UST: variants seen among roughly 807,000 people sequenced by gnomAD.
UST encodes the protein chondroitin sulfate 2-O-sulfotransferase.
Under a neutral mutation model 45.6 loss-of-function variants are expected in UST, and 21 were observed. The ratio of observed to expected loss-of-function variants is 0.46; its 90% CI spans 0.33 to 0.66. The LOEUF (loss-of-function observed/expected upper bound fraction) is 0.66. Among genes scored for constraint, UST ranks in the 30% least tolerant of loss-of-function variants. The pLI is 0.02. For synonymous variants in UST, 215 were observed against 200.6 expected (o/e 1.07, Z -0.61); for missense variants, 463 against 512.4 (o/e 0.90, Z 0.93).
chr6:149,024,780 G>A (rs1776026240), intron 7 of UST, among the ~76,000 whole-genome samples: 1 of 152,092 alleles, frequency 6.6e-6, no homozygotes, highest in Admixed American at 6.6e-5. Flanking sequence ...TGATAACTGA[G>A]TAGATTAGAG....
At chr6:148,823,378 C>A (rs555767650) in intron 1 of UST, among the ~76,000 whole-genome samples, 14 of 152,288 alleles carry the variant, frequency 9.2e-5, no homozygotes, top group African/African-American at 3.4e-4. Flanking sequence ...CTAAGAATGC[C>A]TTTTATATCT....
At chr6:149,044,561 G>A (rs1436720053) in intron 7 of UST, among the ~76,000 whole-genome samples, 1 of 152,168 alleles carries the variant, frequency 6.6e-6, no homozygotes, top group African/African-American at 2.4e-5. Context: ...CGGTCGGTGG[G>A]AATGTTATTC....
At chr6:148,804,342 C>T (rs1258033979) in intron 1 of UST, among the ~76,000 whole-genome samples, 1 of 152,152 alleles carries the variant, frequency 6.6e-6, no homozygotes, top group Non-Finnish European at 1.5e-5. Flanking sequence ...TGTTCCCCTC[C>T]CCCACTCAGC....
intron 7 of UST, among the ~76,000 whole-genome samples, chr6:149,038,659 C>G (rs1776269157): frequency 1.3e-5 from 2 of 152,156 alleles, no homozygotes; most frequent in East Asian, 1.9e-4. Flanking sequence ...CCTCTTCCTC[C>G]CCATTTCCAG....
At chr6:148,747,839 G>T (rs574373870) in intron 1 of UST, among the ~76,000 whole-genome samples, 162 bp downstream of exon 1, 15 of 152,214 alleles carry the variant, frequency 9.9e-5, no homozygotes, top group Admixed American at 7.2e-4. Context: ...GGTCGGGAGC[G>T]CCTTCTTCCT....
chr6:148,919,486 C>T (rs915731014), intron 2 of UST, among the ~76,000 whole-genome samples: 6 of 152,208 alleles, frequency 3.9e-5, no homozygotes, highest in African/African-American at 9.6e-5. Flanking sequence ...TGACTATCAA[C>T]ACCTGCTTCT....
At chr6:148,929,032 G>A (rs139042748) in intron 2 of UST, among the ~76,000 whole-genome samples, 123 of 152,352 alleles carry the variant, frequency 8.1e-4, no homozygotes, top group African/African-American at 2.8e-3. Flanking sequence ...CTTCGCACAT[G>A]TTGAGAATGT....
At chr6:148,915,381 C>T (rs1378614358) in intron 2 of UST, among the ~76,000 whole-genome samples, 1 of 152,100 alleles carries the variant, frequency 6.6e-6, no homozygotes, top group Admixed American at 6.5e-5. Flanking sequence ...AAAATGGCCC[C>T]TGGAGCTCTA....
intron 1 of UST, among the ~76,000 whole-genome samples, chr6:148,762,068 C>T (rs1776233784): frequency 6.6e-6 from 1 of 152,156 alleles, no homozygotes; most frequent in South Asian, 2.1e-4. Flanking sequence ...AAAGGCTGTT[C>T]TTGTTTGCTT....
At chr6:148,832,982 C>T (rs190512514) in intron 1 of UST, among the ~76,000 whole-genome samples, 5 of 152,236 alleles carry the variant, frequency 3.3e-5, no homozygotes, top group East Asian at 1.9e-4. Context: ...CATCTCAAAT[C>T]GTTAATAACA....
rs1274098739 is a variant in UST at position 148,748,941 on chromosome 6, AAAAC to A, written c.247+1276_247+1279del. Among the ~76,000 whole-genome samples, 4 of 151,908 alleles carry A rather than the reference AAAAC, an allele frequency of 2.6e-5. No homozygotes were observed. The highest frequency in any genetic ancestry group is 2.1e-4 in the South Asian group (1 of 4,818). On this transcript the variant is annotated intron_variant, in intron 1 of 7. Transcript: ENST00000367463. The surrounding 1 kb of genome is among the most constrained non-coding windows in gnomAD (Gnocchi z 5.3). ...AAAGAAAAGGAAAAAAAAAAAACCC[AAAAC>A]AAACAAACAAAACAAAGCAAAACAA...
At chr6:148,942,437 A>G (rs1780145672) in intron 3 of UST, among the ~76,000 whole-genome samples, 2 of 152,158 alleles carry the variant, frequency 1.3e-5, no homozygotes, top group Non-Finnish European at 2.9e-5. Flanking sequence ...ACGTGCCTGT[A>G]GTCCCAGCTA....
intron 2 of UST, among the ~76,000 whole-genome samples, chr6:148,905,464 C>A (rs530920757): frequency 2.0e-5 from 3 of 152,220 alleles, no homozygotes; most frequent in Middle Eastern, 3.2e-3. Flanking sequence ...CCCCTAAAAC[C>A]TAGGGTAGAG....
chr6:149,010,294 G>A (rs1195677921), intron 5 of UST, among the ~76,000 whole-genome samples: 2 of 152,126 alleles, frequency 1.3e-5, no homozygotes, highest in East Asian at 1.9e-4. Flanking sequence ...TAGGCTCCAC[G>A]TGTTTTCCAG....
At chr6:149,025,150 A>G (rs1428536937) in intron 7 of UST, among the ~76,000 whole-genome samples, 1 of 152,218 alleles carries the variant, frequency 6.6e-6, no homozygotes, top group Non-Finnish European at 1.5e-5. Flanking sequence ...ATTCTTTCAA[A>G]TCAATACTAC....
intron 5 of UST, among the ~76,000 whole-genome samples, chr6:149,009,560 AACACAC>A (rs113280120): frequency 7.0e-6 from 1 of 143,036 alleles, no homozygotes; most frequent in Admixed American, 7.0e-5. Flanking sequence ...CTGATGTTAA[AACACAC>A]ACACACACAC....
At chr6:148,793,949 G>A (rs1776900421) in intron 1 of UST, among the ~76,000 whole-genome samples, 1 of 152,156 alleles carries the variant, frequency 6.6e-6, no homozygotes, top group Non-Finnish European at 1.5e-5. Flanking sequence ...TGTGAACATT[G>A]TTTTGGTTAA....
At chr6:148,749,724 G>A (rs920688782) in intron 1 of UST, among the ~76,000 whole-genome samples, 5 of 152,132 alleles carry the variant, frequency 3.3e-5, no homozygotes, top group Non-Finnish European at 5.9e-5. Context: ...AAACAATGAG[G>A]CCTAATAAAT....
At chr6:148,926,162 G>A (rs924396332) in intron 2 of UST, among the ~76,000 whole-genome samples, 78 of 152,256 alleles carry the variant, frequency 5.1e-4, no homozygotes, top group African/African-American at 1.8e-3. Flanking sequence ...TTTGATCATC[G>A]ATACAGCATT....
Sources: allele counts gnomAD v4.1 joint callset (sites outside exome capture counted in the v4.1 genomes callset), GRCh38; gene constraint gnomAD v4.1.1; non-coding constraint Gnocchi (gnomAD v3.1); transcripts MANE v1.5; gene names NCBI Gene and HGNC (gene_info 2026-07-23, HGNC 2026-07-21).